Variants in GNAQ observed in about 807,000 individuals in gnomAD.
GNAQ encodes the protein G protein subunit alpha q, also known as guanine nucleotide-binding protein G(q) subunit alpha.
In GNAQ, 8 loss-of-function variants were observed where a neutral mutation model predicts 43.9. That is an observed-to-expected ratio of 0.18 (90% CI 0.11 to 0.33). GNAQ has a LOEUF of 0.33. Among genes scored for constraint, GNAQ ranks in the 10% least tolerant of loss-of-function variants. GNAQ has a pLI of 1.00. For synonymous variants in GNAQ, 155 were observed against 170.7 expected (o/e 0.91, Z 0.71); for missense variants, 158 against 450.8 (o/e 0.35, Z 5.88).
At chr9:77,933,071 T>C (rs566595736) in intron 1 of GNAQ, among the ~76,000 whole-genome samples, 15 of 152,174 alleles carry the variant, frequency 9.9e-5, no homozygotes, top group African/African-American at 3.6e-4. Flanking sequence ...AAATGTGTAT[T>C]CATCCCAATG....
At chr9:77,911,365 G>A (rs939582514) in intron 2 of GNAQ, among the ~76,000 whole-genome samples, 2 of 152,158 alleles carry the variant, frequency 1.3e-5, no homozygotes, top group East Asian at 1.9e-4. Flanking sequence ...GTGTGTATAC[G>A]TGTGTATGTG....
At chr9:77,990,700 T>C (rs1422758121) in intron 1 of GNAQ, among the ~76,000 whole-genome samples, 1 of 152,192 alleles carries the variant, frequency 6.6e-6, no homozygotes, top group Admixed American at 6.5e-5. Context: ...TCAGAGACAA[T>C]AGCGTAAGTA....
chr9:77,793,850 T>C (rs1288514873), intron 5 of GNAQ, among the ~76,000 whole-genome samples: 2 of 152,158 alleles, frequency 1.3e-5, no homozygotes, highest in Non-Finnish European at 2.9e-5. Flanking sequence ...AGGGAGGAGA[T>C]AACAATACTG....
At chr9:77,817,500 C>T (rs1217821479) in intron 2 of GNAQ, among the ~76,000 whole-genome samples, 1 of 152,128 alleles carries the variant, frequency 6.6e-6, no homozygotes, top group African/African-American at 2.4e-5. Flanking sequence ...TCTGGCTTTA[C>T]CCATAACACT....
At chr9:77,896,231 G>C (rs1370672808) in intron 2 of GNAQ, among the ~76,000 whole-genome samples, 1 of 152,146 alleles carries the variant, frequency 6.6e-6, no homozygotes, top group East Asian at 1.9e-4. Context: ...TGGAACACTT[G>C]TGAATTACTT....
chr9:77,907,568 T>C (rs1279802706), intron 2 of GNAQ, among the ~76,000 whole-genome samples: 2 of 152,196 alleles, frequency 1.3e-5, no homozygotes, highest in Non-Finnish European at 2.9e-5. Context: ...AAATACTTGG[T>C]GGCATTTTAA....
At chr9:77,970,647 A>G (rs1378486193) in intron 1 of GNAQ, among the ~76,000 whole-genome samples, 1 of 152,216 alleles carries the variant, frequency 6.6e-6, no homozygotes, top group Non-Finnish European at 1.5e-5. Context: ...CAGTGTGTAG[A>G]GGGAAATTTA....
chr9:78,002,708 C>T (rs1275642980), intron 1 of GNAQ, among the ~76,000 whole-genome samples: 1 of 152,146 alleles, frequency 6.6e-6, no homozygotes, highest in East Asian at 1.9e-4. Context: ...GAACCCACAA[C>T]TTATACAATA....
chr9:77,927,151 C>T (rs1431045656), intron 1 of GNAQ, among the ~76,000 whole-genome samples: 1 of 152,166 alleles, frequency 6.6e-6, no homozygotes, highest in Non-Finnish European at 1.5e-5. Context: ...TTCCCACATA[C>T]AAGTTCTGCC....
chr9:77,800,334 CAAT>C (rs899256307), intron 3 of GNAQ, among the ~76,000 whole-genome samples: 3 of 151,902 alleles, frequency 2.0e-5, no homozygotes, highest in Non-Finnish European at 4.4e-5. Flanking sequence ...AAATGTCCAA[CAAT>C]GATAGACTGG....
At chr9:77,909,031 C>A (rs1390944506) in intron 2 of GNAQ, among the ~76,000 whole-genome samples, 2 of 152,112 alleles carry the variant, frequency 1.3e-5, no homozygotes, top group Non-Finnish European at 2.9e-5. Flanking sequence ...GAATAATGTA[C>A]CCACCTCTCC....
chr9:77,851,070 T>C (rs147629486), intron 2 of GNAQ, among the ~76,000 whole-genome samples: 54 of 152,356 alleles, frequency 3.5e-4, no homozygotes, highest in African/African-American at 1.3e-3. Flanking sequence ...TTCACAGGTG[T>C]GTCTAATTTC....
At chr9:77,885,357 A>G (rs1828285061) in intron 2 of GNAQ, among the ~76,000 whole-genome samples, 1 of 152,128 alleles carries the variant, frequency 6.6e-6, no homozygotes, top group Admixed American at 6.5e-5. Flanking sequence ...CCAAGAACAA[A>G]CTGGAATTCT....
intron 2 of GNAQ, among the ~76,000 whole-genome samples, chr9:77,881,233 GAC>G (rs1416011026): frequency 6.6e-6 from 1 of 152,126 alleles, no homozygotes; most frequent in African/African-American, 2.4e-5. Flanking sequence ...CACCTACACA[GAC>G]ACACATTACA....
rs1826678886 is a variant in GNAQ, at chr9:77,797,658, G to A, written c.477-10C>T. On this transcript the variant is annotated splice_polypyrimidine_tract_variant and intron_variant, in intron 3 of 6. Transcript: ENST00000286548. ...CAAGTCATTAAGATAGCTAGAGGAG[G>A]GAAGACACAATGAGAATGTCAGTGA... 1 of 1,611,664 alleles carries A rather than the reference G, an allele frequency of 6.2e-7. No homozygotes were observed. Among genetic ancestry groups the A allele is most frequent in the African/African-American group, 1.3e-5 (1 of 74,806 alleles).
chr9:77,970,912 C>T (rs1212158453), intron 1 of GNAQ, among the ~76,000 whole-genome samples: 1 of 151,834 alleles, frequency 6.6e-6, no homozygotes, highest in African/African-American at 2.4e-5. Context: ...GAGAGAAGAA[C>T]CAAATCGATG....
At chr9:77,895,920 G>T (rs187590131) in intron 2 of GNAQ, among the ~76,000 whole-genome samples, 1 of 152,190 alleles carries the variant, frequency 6.6e-6, no homozygotes, top group East Asian at 1.9e-4. Context: ...CTTCCGCCAC[G>T]ATTGTGAGGC....
At chr9:77,748,994 T>C (rs1289072789) in intron 5 of GNAQ, among the ~76,000 whole-genome samples, 1 of 152,172 alleles carries the variant, frequency 6.6e-6, no homozygotes, top group African/African-American at 2.4e-5. Context: ...TATTTCTGGC[T>C]GGGACACTGG....
At chr9:77,993,244 T>C (rs940094938) in intron 1 of GNAQ, among the ~76,000 whole-genome samples, 1 of 152,170 alleles carries the variant, frequency 6.6e-6, no homozygotes, top group Non-Finnish European at 1.5e-5. Context: ...TTCAATTTTT[T>C]AATTAGCTGT....
Sources: gnomAD v4.1 joint callset for allele counts (sites outside exome capture counted in the v4.1 genomes callset) on GRCh38, gnomAD v4.1.1 for gene constraint, MANE v1.5 for transcripts, NCBI Gene and HGNC (gene_info 2026-07-23, HGNC 2026-07-21) for gene names.